The following UBTD2 variants were observed in gnomAD, a reference collection of about 807,000 sequenced individuals.
UBTD2 encodes the protein ubiquitin domain-containing protein 2.
UBTD2 carries 9 observed loss-of-function variants against 19.8 expected under a neutral mutation model. The ratio of observed to expected loss-of-function variants is 0.46; its 90% CI spans 0.27 to 0.79. The LOEUF is 0.79. Ranked by LOEUF, UBTD2 falls within the 30% of genes least tolerant of loss-of-function variation. The pLI, the probability that UBTD2 is intolerant of heterozygous loss-of-function variation, is 0.14. For synonymous variants in UBTD2, 98 were observed against 103.9 expected (o/e 0.94, Z 0.35); for missense variants, 250 against 300.4 (o/e 0.83, Z 1.24).
chr5:172,236,457 T>G (rs1189671421), intron 1 of UBTD2, among the ~76,000 whole-genome samples: 1 of 152,220 alleles, frequency 6.6e-6, no homozygotes, highest in Non-Finnish European at 1.5e-5. Context: ...CCCTACCTCT[T>G]CCAAATAATA....
At chr5:172,275,067 T>G (rs1299014767) in intron 1 of UBTD2, among the ~76,000 whole-genome samples, 1 of 152,012 alleles carries the variant, frequency 6.6e-6, no homozygotes, top group Non-Finnish European at 1.5e-5. Flanking sequence ...ACTAGGTAAT[T>G]TATAAAGGAA....
At chr5:172,231,342 A>G (rs12659926) in intron 2 of UBTD2, among the ~76,000 whole-genome samples, 29,852 of 152,210 alleles carry the variant, frequency 0.2, 3,699 homozygotes, top group East Asian at 0.37. Context: ...AAAGGCTCAG[A>G]TATTGGCTTG....
chr5:172,218,881 A>C (rs1267616631), intron 2 of UBTD2, among the ~76,000 whole-genome samples: 1 of 151,740 alleles, frequency 6.6e-6, no homozygotes, highest in Non-Finnish European at 1.5e-5. Context: ...CAAAAGGTCA[A>C]TAAAATTGGT....
intron 1 of UBTD2, among the ~76,000 whole-genome samples, chr5:172,278,836 G>A (rs193277460): frequency 1.1e-3 from 161 of 152,172 alleles, no homozygotes; most frequent in Admixed American, 1.7e-3. Flanking sequence ...GTGCAATGGC[G>A]TGATCCTGGC....
At chr5:172,265,641 A>T (rs1367224753) in intron 1 of UBTD2, among the ~76,000 whole-genome samples, 1 of 151,838 alleles carries the variant, frequency 6.6e-6, no homozygotes, top group Admixed American at 6.6e-5. Flanking sequence ...TGAGTAGTAA[A>T]CTTTTCATTC....
chr5:172,281,524 A>G (rs963608217), intron 1 of UBTD2, among the ~76,000 whole-genome samples: 2 of 152,114 alleles, frequency 1.3e-5, no homozygotes, highest in African/African-American at 4.8e-5. Flanking sequence ...CCCTCCACAC[A>G]TCCCCCAAAC....
chr5:172,268,191 G>A (rs1178630430), intron 1 of UBTD2, among the ~76,000 whole-genome samples: 2 of 152,010 alleles, frequency 1.3e-5, no homozygotes, highest in East Asian at 3.8e-4. Flanking sequence ...TAAGTAGAGT[G>A]GAGAGGATAA....
At chr5:172,228,037 A>G (rs1194081812) in intron 2 of UBTD2, among the ~76,000 whole-genome samples, 1 of 152,156 alleles carries the variant, frequency 6.6e-6, no homozygotes, top group African/African-American at 2.4e-5. Context: ...CTGCTTCTTA[A>G]TGGGCCTCTG....
chr5:172,240,531 G>A (rs922605437), intron 1 of UBTD2, among the ~76,000 whole-genome samples: 1 of 152,094 alleles, frequency 6.6e-6, no homozygotes, highest in African/African-American at 2.4e-5. Context: ...TCCTAGCCCT[G>A]ATTCTCAGAG....
intron 1 of UBTD2, among the ~76,000 whole-genome samples, chr5:172,250,860 G>A (rs1754989368): frequency 7.3e-6 from 1 of 136,452 alleles, no homozygotes; most frequent in African/African-American, 2.8e-5. Context: ...CCGAGCTCAG[G>A]AAGGTCGAGG....
rs762886420 is a variant in UBTD2 at position 172,283,712 on chromosome 5, C to CCCGCCG, written c.-53_-48dup. ...CGCCACCTCCGGACGCTCGTCCGGGCCCGCCGCCGCCGCCGCTGCAGCCTC... is the reference window on the plus strand; with the variant it reads ...CGCCACCTCCGGACGCTCGTCCGGGCCCGCCGCCGCCGCCGCCGCCGCTGCAGCCTC... On this transcript the variant is annotated 5_prime_UTR_variant, in exon 1 of 3. Transcript: ENST00000393792. The surrounding 1 kb of genome is among the most constrained non-coding windows in gnomAD (Gnocchi z 4.3). The CCCGCCG allele has an allele frequency of 2.9e-5, 34 of 1,181,464 alleles. No individual in the cohort carries two copies. Among genetic ancestry groups the CCCGCCG allele is most frequent in the Non-Finnish European group, 3.3e-5 (31 of 949,800 alleles). The allele number at this position is 1,181,464 out of a possible 1,614,324, so 73.2% of individuals were successfully genotyped here.
chr5:172,226,609 C>T (rs576598151), intron 2 of UBTD2, among the ~76,000 whole-genome samples: 5 of 152,262 alleles, frequency 3.3e-5, no homozygotes, highest in African/African-American at 1.2e-4. Flanking sequence ...AATTTGAGTC[C>T]ATGGCTTCAT....
chr5:172,241,188 T>C (rs1001681466), intron 1 of UBTD2, among the ~76,000 whole-genome samples: 78 of 151,590 alleles, frequency 5.1e-4, no homozygotes, highest in African/African-American at 1.7e-3. Context: ...CCGACGTGAG[T>C]GGATCACCCG....
At chr5:172,251,833 G>C (rs972087131) in intron 1 of UBTD2, among the ~76,000 whole-genome samples, 55 of 152,298 alleles carry the variant, frequency 3.6e-4, no homozygotes, top group African/African-American at 1.2e-3. Flanking sequence ...TATAAAACTG[G>C]TGAAAGTAAA....
In UBTD2 at chr5:172,269,215, C is replaced by G. The variant is rs1166323827; in HGVS notation, c.70+14381G>C. ...TGTCATTTAAAAAGTTTGGGCGGGG[C>G]GGGGTGGCTCATGCCTGTAATCCTA... On this transcript the variant is annotated intron_variant, in intron 1 of 2. Transcript: ENST00000393792. 1.4e-3 allele frequency among the ~76,000 whole-genome samples: 218 copies of G among 151,990 alleles called. 1 individual carries two copies. The highest frequency in any genetic ancestry group is 2.6e-4 in the Non-Finnish European group (18 of 67,986).
intron 1 of UBTD2, among the ~76,000 whole-genome samples, chr5:172,239,150 A>G (rs1772072461): frequency 6.6e-6 from 1 of 152,188 alleles, no homozygotes; most frequent in African/African-American, 2.4e-5. Flanking sequence ...ACAATATGCA[A>G]ATCTTCTCTA....
At chr5:172,240,996 A>G (rs1772115697) in intron 1 of UBTD2, among the ~76,000 whole-genome samples, 1 of 152,198 alleles carries the variant, frequency 6.6e-6, no homozygotes, top group Admixed American at 6.5e-5. Context: ...AGTAGTATAT[A>G]AACTCTAAGA....
At chr5:172,264,900 A>G (rs762155112) in intron 1 of UBTD2, among the ~76,000 whole-genome samples, 1 of 152,120 alleles carries the variant, frequency 6.6e-6, no homozygotes, top group Non-Finnish European at 1.5e-5. Context: ...ACAAATGAAA[A>G]CAAAACAAAA....
At chr5:172,237,605 T>C (rs34684776) in intron 1 of UBTD2, among the ~76,000 whole-genome samples, 1,719 of 152,340 alleles carry the variant, frequency 0.011, 17 homozygotes, top group Middle Eastern at 0.041. Flanking sequence ...CACTACAAAA[T>C]CTGAGGCTTG....
Sources: gnomAD v4.1 joint callset for allele counts (sites outside exome capture counted in the v4.1 genomes callset) on GRCh38, gnomAD v4.1.1 for gene constraint, Gnocchi (gnomAD v3.1) non-coding constraint, MANE v1.5 for transcripts, NCBI Gene and HGNC (gene_info 2026-07-23, HGNC 2026-07-21) for gene names.